CDH18: variants seen among roughly 807,000 people sequenced by gnomAD.
CDH18 encodes cadherin-18.
In CDH18, 31 loss-of-function variants were observed where a neutral mutation model predicts 67.9. That is an observed-to-expected ratio of 0.46 (90% CI 0.34 to 0.62). The LOEUF (loss-of-function observed/expected upper bound fraction) is 0.62, where lower values mean the gene tolerates loss of function less well. Among genes scored for constraint, CDH18 ranks in the 20% least tolerant of loss-of-function variants. The pLI is 0.01. For missense variants in CDH18, 890 were observed against 975.5 expected (o/e 0.91, Z 1.17); for synonymous variants, 362 against 347.2 (o/e 1.04, Z -0.48).
chr5:20,443,562 C>T (rs1196158251), intron 1 of CDH18, among the ~76,000 whole-genome samples: 1 of 151,824 alleles, frequency 6.6e-6, no homozygotes, highest in Admixed American at 6.6e-5. Context: ...CCCGTATTTT[C>T]CTGGAGACAA....
At chr5:19,712,181 A>C (rs1256271255) in intron 5 of CDH18, among the ~76,000 whole-genome samples, 1 of 152,020 alleles carries the variant, frequency 6.6e-6, no homozygotes, top group East Asian at 1.9e-4. Flanking sequence ...AGGAACGGGA[A>C]ATTACTTATT....
At chr5:19,817,754 G>A (rs533013173) in intron 3 of CDH18, among the ~76,000 whole-genome samples, 30 of 152,076 alleles carry the variant, frequency 2.0e-4, no homozygotes, top group East Asian at 7.8e-4. Context: ...AGACATGTAT[G>A]ATATATTTTT....
chr5:20,013,073 GT>G (rs973822173), intron 2 of CDH18, among the ~76,000 whole-genome samples: 1 of 151,938 alleles, frequency 6.6e-6, no homozygotes, highest in South Asian at 2.1e-4. Context: ...TACAATAAAA[GT>G]TTTTTTAAAA....
chr5:19,747,975 T>C (rs1464660596), intron 3 of CDH18, among the ~76,000 whole-genome samples: 2 of 148,348 alleles, frequency 1.3e-5, no homozygotes, highest in South Asian at 2.1e-4. Context: ...TAGCCGGGCG[T>C]GGTGGCGGGC....
At chr5:20,425,355 G>A (rs565954771) in intron 1 of CDH18, among the ~76,000 whole-genome samples, 1 of 149,696 alleles carries the variant, frequency 6.7e-6, no homozygotes, top group Non-Finnish European at 1.5e-5. Context: ...TAGGTGAGAG[G>A]GTGAGACTCT....
Position 19,758,730 on chromosome 5 carries a change from G to T in CDH18, c.229-11494C>A, listed in dbSNP as rs574625877. ...TCCTTCACCTTAGAAGGGATATCTT[G>T]ACAGGCCCCACACCACTGGAACCCT... is the stretch of plus-strand genomic sequence containing the variant. On this transcript the variant is annotated intron_variant, in intron 3 of 12. Transcript: ENST00000382275. Among the ~76,000 whole-genome samples the T allele has an allele frequency of 3.9e-4, 60 of 152,292 alleles. 2 individuals carry two copies. The South Asian group carries it at 1.0e-2, about 25-fold the overall frequency.
At chr5:20,422,095 A>C (rs1580964929) in intron 1 of CDH18, among the ~76,000 whole-genome samples, 1 of 151,278 alleles carries the variant, frequency 6.6e-6, no homozygotes, top group Non-Finnish European at 1.5e-5. Context: ...TGTGTATGGT[A>C]TGAAAATTCT....
At chr5:19,608,410 TC>T (rs1369553259) in intron 6 of CDH18, among the ~76,000 whole-genome samples, 2 of 151,736 alleles carry the variant, frequency 1.3e-5, no homozygotes, top group Non-Finnish European at 1.5e-5. Flanking sequence ...GTTTTCTTTT[TC>T]TTTTAATTTG....
intron 5 of CDH18, among the ~76,000 whole-genome samples, chr5:19,699,733 G>A (rs1183833790): frequency 6.6e-6 from 1 of 151,710 alleles, no homozygotes; most frequent in Non-Finnish European, 1.5e-5. Flanking sequence ...TATAAATCAG[G>A]AGGAGATTCC....
At chr5:20,125,990 G>T (rs1273683174) in intron 2 of CDH18, among the ~76,000 whole-genome samples, 1 of 152,130 alleles carries the variant, frequency 6.6e-6, no homozygotes, top group African/African-American at 2.4e-5. Flanking sequence ...AACCAGAAAA[G>T]ATCTCAAATA....
intron 1 of CDH18, among the ~76,000 whole-genome samples, chr5:20,410,775 A>G (rs950466972): frequency 3.9e-5 from 6 of 151,902 alleles, no homozygotes; most frequent in Admixed American, 3.9e-4. Flanking sequence ...ATTTAAAATA[A>G]AAAAGCTCTT....
intron 5 of CDH18, among the ~76,000 whole-genome samples, chr5:19,679,712 T>C (rs1303413974): frequency 1.3e-5 from 2 of 151,894 alleles, no homozygotes; most frequent in Non-Finnish European, 2.9e-5. Flanking sequence ...TAGAATAAAA[T>C]ATCTAATAAT....
intron 1 of CDH18, among the ~76,000 whole-genome samples, chr5:20,407,382 G>A (rs1746365628): frequency 1.3e-5 from 2 of 152,006 alleles, no homozygotes; most frequent in South Asian, 2.1e-4. Context: ...AAAGGTTTTA[G>A]AGAACCCCCA....
In CDH18 at chr5:20,565,232, G is replaced by A. The variant is rs772605259; in HGVS notation, c.-580+10230C>T. Among the ~76,000 whole-genome samples the A allele has an allele frequency of 7.9e-5, 12 of 152,238 alleles. 1 individual carries two copies. Among genetic ancestry groups the A allele is most frequent in the South Asian group, 6.2e-4 (3 of 4,822 alleles). On this transcript the variant is annotated intron_variant, in intron 1 of 14. Coordinates refer to the CDH18 transcript ENST00000507958. ...TGTTTTGAGAACCAGTTAAGGGGCC[G>A]TGATTTTTCATTATGGGAACTCAAG...
intron 1 of CDH18, among the ~76,000 whole-genome samples, chr5:20,415,138 C>A (rs758147959): frequency 2.0e-5 from 3 of 152,000 alleles, no homozygotes; most frequent in Non-Finnish European, 4.4e-5. Context: ...GTAATCCTAG[C>A]ACTTTGGGAG....
intron 1 of CDH18, among the ~76,000 whole-genome samples, chr5:20,321,333 A>AACACTGG (rs1439808945): frequency 6.6e-6 from 1 of 152,010 alleles, no homozygotes; most frequent in Non-Finnish European, 1.5e-5. Context: ...CTTCCTTTGC[A>AACACTGG]ACACTGGATG....
chr5:19,742,513 A>T (rs751484617), intron 4 of CDH18, among the ~76,000 whole-genome samples: 7 of 152,108 alleles, frequency 4.6e-5, no homozygotes, highest in Non-Finnish European at 7.4e-5. Flanking sequence ...TTTCTAACAG[A>T]TAAATCACCA....
intron 1 of CDH18, among the ~76,000 whole-genome samples, chr5:20,319,645 G>A (rs1191720434): frequency 6.6e-6 from 1 of 152,114 alleles, no homozygotes; most frequent in Non-Finnish European, 1.5e-5. Context: ...TGGCAGACAA[G>A]AGTGTCGAAT....
chr5:20,282,593 A>T (rs1746368870), intron 1 of CDH18, among the ~76,000 whole-genome samples: 1 of 151,938 alleles, frequency 6.6e-6, no homozygotes, highest in African/African-American at 2.4e-5. Flanking sequence ...AAGCTTTTTG[A>T]TGTGCTGCTG....
Sources: gnomAD v4.1 joint callset for allele counts (sites outside exome capture counted in the v4.1 genomes callset) on GRCh38, gnomAD v4.1.1 for gene constraint, MANE v1.5 for transcripts, NCBI Gene and HGNC (gene_info 2026-07-23, HGNC 2026-07-21) for gene names.